Variants in PSMD1 observed in about 807,000 individuals in gnomAD.
PSMD1 encodes 26S proteasome non-ATPase regulatory subunit 1.
A neutral mutation model predicts 119.0 loss-of-function variants in PSMD1; 18 were observed. That is an observed-to-expected ratio of 0.15 (90% CI 0.10 to 0.22). The LOEUF (loss-of-function observed/expected upper bound fraction) is 0.22. Among genes scored for constraint, PSMD1 ranks in the 10% least tolerant of loss-of-function variants. PSMD1 has a pLI of 1.00. For missense variants in PSMD1, 702 were observed against 1,158.5 expected (o/e 0.61, Z 5.72); for synonymous variants, 374 against 396.6 (o/e 0.94, Z 0.68).
chr2:231,060,349 A>G (rs4972982), intron 1 of PSMD1: 11 of 152,230 alleles, frequency 7.2e-5, no homozygotes, highest in Admixed American at 2.6e-4. Flanking sequence ...ATACTTGTCA[A>G]TTAGAAATGG....
intron 12 of PSMD1, among the ~76,000 whole-genome samples, chr2:231,082,334 G>A (rs1367958527): frequency 2.0e-5 from 3 of 152,162 alleles, no homozygotes; most frequent in Non-Finnish European, 2.9e-5. Context: ...CTAAAGTGCC[G>A]GGATTACAAG....
intron 19 of PSMD1, 101 bp from the exon 20 acceptor site, chr2:231,161,239 A>G: frequency 3.7e-6 from 1 of 272,324 alleles, no homozygotes; most frequent in Admixed American, 7.7e-5. Context: ...CTATCTCTTT[A>G]AAAAAAAAAA....
chr2:231,103,561 C>T (rs933051549), intron 16 of PSMD1, among the ~76,000 whole-genome samples: 4 of 152,192 alleles, frequency 2.6e-5, no homozygotes, highest in Admixed American at 6.5e-5. Flanking sequence ...ACTTCTTGAA[C>T]CCTATCTCTT....
chr2:231,171,600 T>C (rs1346595924), intron 24 of PSMD1, among the ~76,000 whole-genome samples: 1 of 150,664 alleles, frequency 6.6e-6, no homozygotes, highest in African/African-American at 2.5e-5. Flanking sequence ...TTGTTGCTCT[T>C]GGCTGGAGTG....
chr2:231,084,993 G>T, intron 14 of PSMD1, 26 bp from the exon 15 acceptor site: 2 of 1,562,770 alleles, frequency 1.3e-6, no homozygotes, highest in South Asian at 2.2e-5. Context: ...ATAAGTTGAT[G>T]ATTAATGTTA....
intron 19 of PSMD1, among the ~76,000 whole-genome samples, chr2:231,160,699 G>T (rs915260382): frequency 2.0e-5 from 3 of 152,070 alleles, no homozygotes; most frequent in African/African-American, 7.2e-5. Context: ...ACTTAATTTA[G>T]CATCACAGTT....
At chr2:231,131,160 T>C (rs1285957737) in intron 16 of PSMD1, among the ~76,000 whole-genome samples, 1 of 152,194 alleles carries the variant, frequency 6.6e-6, no homozygotes, top group Non-Finnish European at 1.5e-5. Flanking sequence ...TAGTTTAATG[T>C]GTTGTTTGGT....
chr2:231,112,082 A>G (rs1006667911), intron 16 of PSMD1, among the ~76,000 whole-genome samples: 1 of 152,062 alleles, frequency 6.6e-6, no homozygotes, highest in African/African-American at 2.4e-5. Context: ...AAATATTTTA[A>G]TTATTCTTAA....
rs1463197099 is a variant in PSMD1 at position 231,056,973 on chromosome 2, C to CTCAGA, written c.-53_-52insTCAGA. The CTCAGA allele has an allele frequency of 1.9e-6, 3 of 1,539,846 alleles. No homozygotes were observed. Among genetic ancestry groups the CTCAGA allele is most frequent in the Non-Finnish European group, 2.6e-6 (3 of 1,144,250 alleles). ...TGAGCGGCCCCTGAGCTGACAGATACACTGCGCAGCTGGAACGGCGAGCGA... is the reference window on the plus strand; with the variant it reads ...TGAGCGGCCCCTGAGCTGACAGATACTCAGAACTGCGCAGCTGGAACGGCGAGCGA... On this transcript the variant is annotated 5_prime_UTR_variant, in exon 1 of 25. Coordinates refer to ENST00000308696, the MANE Select transcript of PSMD1 (RefSeq NM_002807.4).
In PSMD1 at chr2:231,057,441, G is replaced by C. The variant is rs750009229; in HGVS notation, c.16+400G>C. On this transcript the variant is annotated intron_variant, in intron 1 of 24. Transcript: ENST00000308696. ...GGGCCCCTGTGCCATTGAACAGTAA[G>C]GCAAACCCCCCTGATCGGGCAGCCT... Among the ~76,000 whole-genome samples the C allele has an allele frequency of 9.2e-5, 14 of 152,226 alleles. 1 individual carries two copies. Among genetic ancestry groups the C allele is most frequent in the Admixed American group, 2.0e-4 (3 of 15,284 alleles).
At position 231,057,060 on chromosome 2, in the gene PSMD1, C is replaced by T. The variant is rs1304377905; in HGVS notation, c.16+19C>T. On this transcript the variant is annotated intron_variant, in intron 1 of 24. Transcript: ENST00000308696. The stretch of plus-strand genomic sequence containing the variant: ...TCGGCCGGTGAGTGCGGCCCGTAGC[C>T]AGCGCCTGGAGGGAGGAGCCGCCGC... The T allele has an allele frequency of 3.3e-6, 5 of 1,515,202 alleles. No individual in the cohort carries two copies. The highest frequency in any genetic ancestry group is 4.4e-6 in the Non-Finnish European group (5 of 1,133,854). The allele number at this position is 1,515,202 out of a possible 1,614,324, so 93.9% of individuals were successfully genotyped here.
chr2:231,111,741 C>A (rs1346829050), intron 16 of PSMD1, among the ~76,000 whole-genome samples: 2 of 152,138 alleles, frequency 1.3e-5, no homozygotes, highest in Admixed American at 6.5e-5. Flanking sequence ...AGTTCTTAAG[C>A]CAACTGATTA....
At chr2:231,143,318 C>G (rs1395664954) in intron 17 of PSMD1, among the ~76,000 whole-genome samples, 1 of 152,136 alleles carries the variant, frequency 6.6e-6, no homozygotes, top group Non-Finnish European at 1.5e-5. Flanking sequence ...GAACCTCCAC[C>G]TCCTGGGTTC....
chr2:231,083,198 G>A (rs1694356028), intron 13 of PSMD1, among the ~76,000 whole-genome samples: 1 of 152,146 alleles, frequency 6.6e-6, no homozygotes, highest in Admixed American at 6.5e-5. Flanking sequence ...GGTATATCCT[G>A]TGTGTCCACT....
intron 16 of PSMD1, among the ~76,000 whole-genome samples, chr2:231,090,873 G>A (rs1391513424): frequency 6.6e-6 from 1 of 152,210 alleles, no homozygotes; most frequent in African/African-American, 2.4e-5. Flanking sequence ...AACATCAATG[G>A]CTGAGGAGTT....
At chr2:231,160,508 T>C (rs1001781894) in intron 19 of PSMD1, among the ~76,000 whole-genome samples, 1 of 152,210 alleles carries the variant, frequency 6.6e-6, no homozygotes, top group African/African-American at 2.4e-5. Flanking sequence ...CTTTACTGTT[T>C]TATATAAATT....
At chr2:231,172,344 G>A (rs1446354716) in intron 24 of PSMD1, among the ~76,000 whole-genome samples, 191 bp from the exon 25 acceptor site, 1 of 152,138 alleles carries the variant, frequency 6.6e-6, no homozygotes, top group East Asian at 1.9e-4. Context: ...TTTTCAAAGG[G>A]GTAAAATATT....
chr2:231,172,744 T>A lies in PSMD1; in HGVS notation c.*219T>A, dbSNP rs1239081295. 3.9e-5 allele frequency: 6 copies of A among 152,120 alleles called. No homozygotes were observed. The highest frequency in any genetic ancestry group is 8.8e-5 in the Non-Finnish European group (6 of 68,026). 9.4% of individuals were successfully genotyped at this position (152,120 alleles called of 1,614,324 possible). A position where few individuals can be genotyped will look rare whatever the true frequency, so the allele number is the denominator to read the frequency against. ...ACTTGGTTTTCAAATAAATATAAGA[T>A]CTCCAGATGGACAAGACATTTGTTT... On this transcript the variant is annotated 3_prime_UTR_variant, in exon 25 of 25. Transcript: ENST00000308696.
At chr2:231,127,555 A>G (rs1268181534) in intron 16 of PSMD1, among the ~76,000 whole-genome samples, 7 of 152,130 alleles carry the variant, frequency 4.6e-5, no homozygotes, top group East Asian at 3.9e-4. Flanking sequence ...GGGTTTCGCC[A>G]TGTTGACCAG....
Sources: gnomAD v4.1 joint callset for allele counts (sites outside exome capture counted in the v4.1 genomes callset) on GRCh38, gnomAD v4.1.1 for gene constraint, MANE v1.5 for transcripts, NCBI Gene and HGNC (gene_info 2026-07-23, HGNC 2026-07-21) for gene names.